The following MYO16 variants were observed in gnomAD, a reference collection of about 807,000 sequenced individuals.
MYO16 encodes myosin XVI.
In MYO16, 94 loss-of-function variants were observed where a neutral mutation model predicts 205.3. The observed-to-expected ratio is 0.46, with a 90% confidence interval of 0.39 to 0.54. MYO16 has a LOEUF of 0.54. Among genes scored for constraint, MYO16 ranks in the 20% least tolerant of loss-of-function variants. The pLI is 0.00. For missense variants in MYO16, 2,315 were observed against 2,387.5 expected (o/e 0.97, Z 0.63); for synonymous variants, 988 against 954.0 (o/e 1.04, Z -0.66).
At chr13:109,179,479 T>C (rs1400817680) in intron 33 of MYO16, 63 bp from the exon 34 acceptor site, 6 of 1,013,718 alleles carry the variant, frequency 5.9e-6, no homozygotes, top group Non-Finnish European at 9.4e-6. Flanking sequence ...AATGAGTGCA[T>C]GACTTACTTT....
At position 109,140,245 on chromosome 13, in the gene MYO16, G is replaced by A. The variant is rs1337897772; in HGVS notation, c.4052-19G>A. On this transcript the variant is annotated intron_variant, in intron 31 of 34. Coordinates refer to ENST00000457511, the MANE Select transcript of MYO16 (RefSeq NM_001198950.3). The surrounding 1 kb of genome is among the most constrained non-coding windows in gnomAD (Gnocchi z 8.0). Reference sequence around the variant, plus strand: ...GGGCCTGGCCTGGCACCCACTGACCGCGTCCTTTCCTGCCGCAGCTCTGGC... The same window carrying A: ...GGGCCTGGCCTGGCACCCACTGACCACGTCCTTTCCTGCCGCAGCTCTGGC... 8 of 1,596,994 alleles carry A rather than the reference G, an allele frequency of 5.0e-6. No individual in the cohort carries two copies. In the South Asian group the frequency reaches 6.6e-5, roughly 13 times the overall value.
At chr13:108,644,390 ATCTATCT>A in intron 1 of MYO16, among the ~76,000 whole-genome samples, 1 of 150,504 alleles carries the variant, frequency 6.6e-6, no homozygotes, top group African/African-American at 2.4e-5. Context: ...CTATCTATCT[ATCTATCT>A]ATCTATCTAT....
chr13:108,565,931 G>A, the MYO16 span, among the ~76,000 whole-genome samples: 1 of 151,340 alleles, frequency 6.6e-6, no homozygotes, highest in Non-Finnish European at 1.5e-5. Flanking sequence ...AATTTGGTTT[G>A]CTAATGCTTT....
chr13:109,188,973 A>T (rs188720406), intron 34 of MYO16, among the ~76,000 whole-genome samples: 1 of 152,228 alleles, frequency 6.6e-6, no homozygotes, highest in East Asian at 1.9e-4. Flanking sequence ...GCATGCCTGT[A>T]ACCCCAGCTA....
At chr13:108,661,862 G>T (rs1206739491) in intron 1 of MYO16, among the ~76,000 whole-genome samples, 1 of 152,110 alleles carries the variant, frequency 6.6e-6, no homozygotes, top group Non-Finnish European at 1.5e-5. Flanking sequence ...GAAGAGCCTT[G>T]TTTTGTCATA....
chr13:108,549,298 G>C, the MYO16 span, among the ~76,000 whole-genome samples: 74 of 152,224 alleles, frequency 4.9e-4, no homozygotes, highest in African/African-American at 1.7e-3. Context: ...GGTTTTGAAG[G>C]GGAAAAAGGG....
chr13:108,724,108 G>C (rs1277946036), intron 3 of MYO16, among the ~76,000 whole-genome samples: 1 of 151,990 alleles, frequency 6.6e-6, no homozygotes, highest in Non-Finnish European at 1.5e-5. Flanking sequence ...TTTTTCAAAG[G>C]CTTACCACTA....
At chr13:108,804,082 G>C (rs996263801) in intron 6 of MYO16, among the ~76,000 whole-genome samples, 2 of 152,194 alleles carry the variant, frequency 1.3e-5, no homozygotes, top group East Asian at 3.9e-4. Context: ...GCGTGGCTTC[G>C]GATCTCAGTA....
At chr13:108,946,553 C>T (rs117232166) in intron 16 of MYO16, among the ~76,000 whole-genome samples, 2,489 of 152,210 alleles carry the variant, frequency 0.016, 21 homozygotes, top group Middle Eastern at 0.088. Flanking sequence ...TGAGAATCCA[C>T]CAGGAATTTT....
upstream of MYO16, among the ~76,000 whole-genome samples, chr13:108,591,203 G>A (rs1322746719): frequency 6.6e-6 from 1 of 152,156 alleles, no homozygotes; most frequent in African/African-American, 2.4e-5. Flanking sequence ...CCAGGAGTCT[G>A]TCCTGCAGTC....
the MYO16 span, among the ~76,000 whole-genome samples, chr13:108,559,591 A>T: frequency 2.1e-5 from 3 of 145,260 alleles, no homozygotes; most frequent in Admixed American, 2.2e-4. Flanking sequence ...CTCCTGCCAC[A>T]GCCTCCCGAG....
intron 4 of MYO16, among the ~76,000 whole-genome samples, chr13:108,776,447 G>A (rs1886127431): frequency 6.6e-6 from 1 of 152,188 alleles, no homozygotes; most frequent in African/African-American, 2.4e-5. Flanking sequence ...GGTATAGTTA[G>A]CTACCTAATG....
Position 108,993,127 on chromosome 13 carries a change from C to A in MYO16, c.2442+679C>A, listed in dbSNP as rs114461454. ...TAGAAAACCAAGCTACATTATAGTACGGGAAGAATTACAACTCCATAGCAT... is the reference window on the plus strand; with the variant it reads ...TAGAAAACCAAGCTACATTATAGTAAGGGAAGAATTACAACTCCATAGCAT... On this transcript the variant is annotated intron_variant, in intron 21 of 34. Transcript: ENST00000457511. Among the ~76,000 whole-genome samples the A allele has an allele frequency of 8.6e-3, 1,314 of 152,050 alleles. 8 individuals are homozygous for A. The highest frequency in any genetic ancestry group is 0.031 in the African/African-American group (1,266 of 41,490).
intron 31 of MYO16, among the ~76,000 whole-genome samples, chr13:109,139,478 G>A (rs867038729): frequency 3.2e-4 from 48 of 152,218 alleles, no homozygotes; most frequent in Non-Finnish European, 1.8e-4. Flanking sequence ...TCCAGGGACC[G>A]CACCTCCGCA....
Position 108,667,315 on chromosome 13 carries a change from G to GTTTTTTTTTTTTTTTT in MYO16, c.292+1170_292+1171insTTTTTTTTTTTTTTTT, listed in dbSNP as rs1186561491. On this transcript the variant is annotated intron_variant, in intron 2 of 34. Transcript: ENST00000457511. ...AAACTGTAATATTCTGAGAATTTCT[G>GTTTTTTTTTTTTTTTT]TTTTGTTTTTTTTTTTTTTTTGTCT... is the stretch of plus-strand genomic sequence containing the variant. Among the ~76,000 whole-genome samples, 3 of 118,296 alleles carry GTTTTTTTTTTTTTTTT rather than the reference G, an allele frequency of 2.5e-5. 1 individual carries two copies. Among genetic ancestry groups the GTTTTTTTTTTTTTTTT allele is most frequent in the African/African-American group, 3.2e-5 (1 of 31,058 alleles). 77.6% of individuals were successfully genotyped at this position (118,296 alleles called of 152,430 possible). A position where few individuals can be genotyped will look rare whatever the true frequency, so the allele number is the denominator to read the frequency against.
intron 2 of MYO16, among the ~76,000 whole-genome samples, chr13:108,703,334 C>T (rs1003668551): frequency 2.0e-5 from 3 of 151,984 alleles, no homozygotes; most frequent in African/African-American, 7.3e-5. Flanking sequence ...AAAATAAGGA[C>T]ATTATATAGT....
chr13:109,158,921 G>T (rs114325882), intron 32 of MYO16, among the ~76,000 whole-genome samples: 2,366 of 152,270 alleles, frequency 0.016, 72 homozygotes, highest in African/African-American at 0.054. Flanking sequence ...GCCCCTTCAC[G>T]TAACTACGGG....
At chr13:108,836,694 A>C (rs1195040211) in intron 9 of MYO16, among the ~76,000 whole-genome samples, 1 of 152,184 alleles carries the variant, frequency 6.6e-6, no homozygotes, top group Non-Finnish European at 1.5e-5. Context: ...TGAGACGTGG[A>C]GTCAAAAGAG....
intron 4 of MYO16, among the ~76,000 whole-genome samples, chr13:108,753,378 A>C (rs1175961632): frequency 2.2e-5 from 2 of 92,970 alleles, no homozygotes; most frequent in African/African-American, 6.4e-5. Flanking sequence ...GACAAAAAAA[A>C]AAAAAAAAAA....
Sources: gnomAD v4.1 joint callset for allele counts (sites outside exome capture counted in the v4.1 genomes callset) on GRCh38, gnomAD v4.1.1 for gene constraint, Gnocchi (gnomAD v3.1) non-coding constraint, MANE v1.5 for transcripts, NCBI Gene and HGNC (gene_info 2026-07-23, HGNC 2026-07-21) for gene names.